Variants in PHF24 observed in about 807,000 individuals in gnomAD.
PHF24 encodes Galpha inhibitory interacting protein.
PHF24 carries 25 observed loss-of-function variants against 42.6 expected under a neutral mutation model. The observed-to-expected ratio is 0.59, with a 90% CI of 0.43 to 0.82. PHF24 has a LOEUF of 0.82. Among genes scored for constraint, PHF24 ranks in the 40% least tolerant of loss-of-function variants. PHF24 has a pLI of 0.00. For missense variants in PHF24, 470 were observed against 538.1 expected, an observed-to-expected ratio of 0.87 and a Z score of 1.25; for synonymous variants, 185 against 204.8, an observed-to-expected ratio of 0.90 and a Z score of 0.83.
At chr9:34,893,054 A>G in the PHF24 span, 6 of 952,122 alleles carry the variant, frequency 6.3e-6, no homozygotes, top group Non-Finnish European at 9.6e-6. Flanking sequence ...ACCTGCCAGC[A>G]ATTGCTTAAT....
At chr9:34,952,931 G>A (rs1038474315), upstream of PHF24, among the ~76,000 whole-genome samples, 1 of 152,106 alleles carries the variant, frequency 6.6e-6, no homozygotes, top group Non-Finnish European at 1.5e-5. Context: ...ACAAAATCAG[G>A]AATTTCAATC....
the PHF24 span, among the ~76,000 whole-genome samples, chr9:34,782,487 AC>A: frequency 6.6e-6 from 1 of 152,170 alleles, no homozygotes; most frequent in Non-Finnish European, 1.5e-5. Context: ...ATTCAAGGTC[AC>A]AGAGATATTT....
At chr9:34,817,021 C>T in the PHF24 span, among the ~76,000 whole-genome samples, 4 of 152,140 alleles carry the variant, frequency 2.6e-5, no homozygotes, top group African/African-American at 9.6e-5. Flanking sequence ...GTGTATAGAT[C>T]CAATAATAGA....
chr9:34,816,110 A>G, the PHF24 span, among the ~76,000 whole-genome samples: 1 of 149,418 alleles, frequency 6.7e-6, no homozygotes, highest in Non-Finnish European at 1.5e-5. Context: ...TTATTTTTTT[A>G]TTATACTTTA....
chr9:34,934,707 G>A, the PHF24 span, among the ~76,000 whole-genome samples: 9 of 152,122 alleles, frequency 5.9e-5, no homozygotes, highest in Non-Finnish European at 1.3e-4. Flanking sequence ...CACAGGAAGG[G>A]AACTTTTCCT....
At chr9:34,846,929 T>G in the PHF24 span, among the ~76,000 whole-genome samples, 1 of 152,222 alleles carries the variant, frequency 6.6e-6, no homozygotes, top group Admixed American at 6.5e-5. Flanking sequence ...GCATTATTTC[T>G]GAGGGCTCTG....
At chr9:34,669,425 C>T in the PHF24 span, among the ~76,000 whole-genome samples, 50 of 152,074 alleles carry the variant, frequency 3.3e-4, no homozygotes, top group African/African-American at 1.2e-3. Context: ...AGTGTTGCCA[C>T]ACACACAAGA....
chr9:34,716,563 T>C, the PHF24 span, among the ~76,000 whole-genome samples: 3 of 127,206 alleles, frequency 2.4e-5, no homozygotes, highest in Non-Finnish European at 3.3e-5. Flanking sequence ...TGTTTTGTTT[T>C]GCTTTGTTTT....
At chr9:34,780,746 C>T in the PHF24 span, among the ~76,000 whole-genome samples, 10 of 152,276 alleles carry the variant, frequency 6.6e-5, no homozygotes, top group South Asian at 2.1e-4. Context: ...ATAAATCCTA[C>T]AACTCAACTA....
the PHF24 span, among the ~76,000 whole-genome samples, chr9:34,852,730 A>G: frequency 7.2e-5 from 11 of 152,128 alleles, no homozygotes; most frequent in African/African-American, 2.7e-4. Context: ...TAACAGTTTC[A>G]TTATGATATG....
chr9:34,972,290 G>A (rs1454681260), intron 2 of PHF24, 56 bp from the exon 3 acceptor site: 6 of 1,499,154 alleles, frequency 4.0e-6, no homozygotes, highest in South Asian at 1.3e-5. Context: ...TAGTGGCCTT[G>A]GAATCTTGCT....
At chr9:34,927,979 A>G in the PHF24 span, among the ~76,000 whole-genome samples, 1 of 152,160 alleles carries the variant, frequency 6.6e-6, no homozygotes, top group East Asian at 1.9e-4. Context: ...GTTAATGGAT[A>G]TAGAAAAATA....
the PHF24 span, among the ~76,000 whole-genome samples, chr9:34,767,601 G>A: frequency 2.0e-5 from 3 of 152,224 alleles, no homozygotes; most frequent in Non-Finnish European, 2.9e-5. Flanking sequence ...TCCAGGTGCC[G>A]TCTGTCACCC....
chr9:34,702,314 C>T, the PHF24 span, among the ~76,000 whole-genome samples: 2 of 152,174 alleles, frequency 1.3e-5, no homozygotes, highest in Non-Finnish European at 2.9e-5. Context: ...GGTGGCCGAG[C>T]GGGGCAGTGA....
At chr9:34,800,173 A>G in the PHF24 span, among the ~76,000 whole-genome samples, 2 of 152,358 alleles carry the variant, frequency 1.3e-5, no homozygotes, top group East Asian at 1.9e-4. Context: ...TACAGAATTC[A>G]GAGGAACTGG....
chr9:34,763,579 A>G, the PHF24 span, among the ~76,000 whole-genome samples: 1 of 152,288 alleles, frequency 6.6e-6, no homozygotes, highest in South Asian at 2.1e-4. Flanking sequence ...GTTGCTTATC[A>G]GCTTAAGGAG....
At chr9:34,717,558 C>T in the PHF24 span, among the ~76,000 whole-genome samples, 1 of 151,918 alleles carries the variant, frequency 6.6e-6, no homozygotes, top group African/African-American at 2.4e-5. Flanking sequence ...CTCTTCCTGA[C>T]CCTGACATTC....
the PHF24 span, among the ~76,000 whole-genome samples, chr9:34,845,220 G>A: frequency 6.6e-6 from 1 of 152,040 alleles, no homozygotes; most frequent in African/African-American, 2.4e-5. Context: ...ATCTGTAAAG[G>A]AAAAGTGATT....
At chr9:34,964,244 G>A (rs369201621) in intron 1 of PHF24, among the ~76,000 whole-genome samples, 1 of 152,016 alleles carries the variant, frequency 6.6e-6, no homozygotes, top group South Asian at 2.1e-4. Context: ...TTACTTGCTT[G>A]TGAGCCTTTT....
Sources: gnomAD v4.1 joint callset for allele counts (sites outside exome capture counted in the v4.1 genomes callset) on GRCh38, gnomAD v4.1.1 for gene constraint, MANE v1.5 for transcripts, NCBI Gene and HGNC (gene_info 2026-07-23, HGNC 2026-07-21) for gene names.